LRRC4C: variants seen among roughly 807,000 people sequenced by gnomAD.
LRRC4C encodes the protein leucine rich repeat containing 4C.
In LRRC4C, 5 loss-of-function variants were observed where a neutral mutation model predicts 33.6. The ratio of observed to expected loss-of-function variants is 0.15; its 90% CI spans 0.08 to 0.31. The LOEUF is 0.31. Among genes scored for constraint, LRRC4C ranks in the 10% least tolerant of loss-of-function variants. The pLI, the probability that LRRC4C is intolerant of heterozygous loss-of-function variation, is 1.00. For missense variants in LRRC4C, 560 were observed against 796.7 expected, an observed-to-expected ratio of 0.70 and a Z score of 3.58; for synonymous variants, 329 against 302.0, an observed-to-expected ratio of 1.09 and a Z score of -0.93.
chr11:40,635,628 A>ATTTTTTTTTTTTTTTTTT (rs71060975), intron 3 of LRRC4C, among the ~76,000 whole-genome samples: 1 of 92,198 alleles, frequency 1.1e-5, no homozygotes, highest in Admixed American at 1.5e-4. Flanking sequence ...AAAGAACCAA[A>ATTTTTTTTTTTTTTTTTT]TTTTTTTTTT....
rs563196863 is a variant in LRRC4C at position 40,802,791 on chromosome 11, C to T, written c.-407+130844G>A. Among the ~76,000 whole-genome samples, 206 of 152,210 alleles carry T rather than the reference C, an allele frequency of 1.4e-3. 1 individual carries two copies. Among genetic ancestry groups the T allele is most frequent in the African/African-American group, 4.7e-3 (195 of 41,536 alleles). ...GAAGAATACATATGGGAAGAAGAAA[C>T]GATCAAAGTGATAACTTAATAAAAA... On this transcript the variant is annotated intron_variant, in intron 2 of 6. Transcript: ENST00000528697.
In LRRC4C at chr11:41,048,579, A is replaced by T. The variant is rs918776427; in HGVS notation, c.-495-114856T>A. Among the ~76,000 whole-genome samples the T allele has an allele frequency of 2.6e-5, 4 of 152,078 alleles. No homozygotes were observed. The East Asian group carries it at 5.8e-4, about 22-fold the overall frequency. On this transcript the variant is annotated intron_variant, in intron 1 of 6. Transcript: ENST00000528697. ...CGCCCAGCCCGATTCTGTATTTTTTAAAAATTTTTTCATCTTGGTCTACCC... is the reference window on the plus strand; with the variant it reads ...CGCCCAGCCCGATTCTGTATTTTTTTAAAATTTTTTCATCTTGGTCTACCC...
intron 1 of LRRC4C, among the ~76,000 whole-genome samples, chr11:41,205,261 A>T (rs1946552038): frequency 6.6e-6 from 1 of 152,216 alleles, no homozygotes; most frequent in Admixed American, 6.5e-5. Flanking sequence ...TATTTCAAAA[A>T]TGATAGAAAA....
chr11:40,331,364 T>C (rs551330203), intron 3 of LRRC4C, among the ~76,000 whole-genome samples: 10 of 152,202 alleles, frequency 6.6e-5, no homozygotes, highest in Non-Finnish European at 1.3e-4. Context: ...CCCTTGTTTC[T>C]TGCAACACTA....
At chr11:40,289,298 G>T (rs1001202941) in intron 4 of LRRC4C, among the ~76,000 whole-genome samples, 28 of 152,070 alleles carry the variant, frequency 1.8e-4, no homozygotes, top group African/African-American at 6.8e-4. Context: ...TATTATGCTT[G>T]CAGCTTTGCA....
At chr11:41,422,765 C>G (rs1590235356) in intron 1 of LRRC4C, among the ~76,000 whole-genome samples, 1 of 146,854 alleles carries the variant, frequency 6.8e-6, no homozygotes, top group South Asian at 2.3e-4. Context: ...ATACTTAAAA[C>G]AGCTTTCTCA....
At chr11:41,390,299 A>G (rs1404461148) in intron 1 of LRRC4C, among the ~76,000 whole-genome samples, 1 of 151,866 alleles carries the variant, frequency 6.6e-6, no homozygotes, top group East Asian at 1.9e-4. Context: ...AGGAGAAACA[A>G]TCAGTCTTCA....
intron 1 of LRRC4C, among the ~76,000 whole-genome samples, chr11:41,133,492 G>A (rs184739402): frequency 0.014 from 925 of 64,516 alleles, 9 homozygotes; most frequent in Non-Finnish European, 0.02. Context: ...CCCCGCCCCC[G>A]CCAACCAACA....
chr11:41,329,626 T>G (rs16935604), intron 1 of LRRC4C, among the ~76,000 whole-genome samples: 2,476 of 152,336 alleles, frequency 0.016, 70 homozygotes, highest in African/African-American at 0.056. Flanking sequence ...GATTCCTTAC[T>G]CCTTGCGATT....
At chr11:41,056,558 T>G (rs2135327677) in intron 1 of LRRC4C, among the ~76,000 whole-genome samples, 1 of 152,110 alleles carries the variant, frequency 6.6e-6, no homozygotes, top group South Asian at 2.1e-4. Context: ...GAACTTAAAT[T>G]AACAAGCAGA....
At chr11:40,625,077 CCTT>C in intron 3 of LRRC4C, among the ~76,000 whole-genome samples, 1 of 152,172 alleles carries the variant, frequency 6.6e-6, no homozygotes, top group East Asian at 1.9e-4. Context: ...AATATTATTG[CCTT>C]CTTCTGCAGA....
At chr11:40,809,208 A>G (rs956755150) in intron 2 of LRRC4C, among the ~76,000 whole-genome samples, 1 of 152,204 alleles carries the variant, frequency 6.6e-6, no homozygotes, top group Admixed American at 6.5e-5. Flanking sequence ...TTCTCTCTCC[A>G]TTTCAACCTG....
intron 1 of LRRC4C, among the ~76,000 whole-genome samples, chr11:41,163,164 C>T (rs1052858367): frequency 1.3e-5 from 2 of 152,082 alleles, no homozygotes; most frequent in African/African-American, 4.8e-5. Context: ...TCTGATGTCT[C>T]CCCAGCCTCA....
Position 40,741,433 on chromosome 11 carries a change from C to T in LRRC4C, c.-406-93155G>A, listed in dbSNP as rs144790828. On this transcript the variant is annotated intron_variant, in intron 2 of 6. Coordinates refer to ENST00000528697, the MANE Select transcript of LRRC4C (RefSeq NM_001258419.2). Reference sequence around the variant, plus strand: ...AGAAGTCCACTGGATGCCTGAACAGCGCATTTTACTTGGGACAACTACCCC... The same window carrying T: ...AGAAGTCCACTGGATGCCTGAACAGTGCATTTTACTTGGGACAACTACCCC... 9.8e-4 allele frequency among the ~76,000 whole-genome samples: 149 copies of T among 152,136 alleles called. No homozygotes were observed. In the Middle Eastern group the frequency reaches 0.01, roughly 10 times the overall value.
intron 1 of LRRC4C, among the ~76,000 whole-genome samples, chr11:41,216,460 TAA>T (rs75829426): frequency 2.8e-4 from 36 of 128,378 alleles, no homozygotes; most frequent in South Asian, 4.9e-4. Flanking sequence ...CATTCTTAAG[TAA>T]AAAAAAAAAA....
chr11:41,195,422 A>G (rs924298130), intron 1 of LRRC4C, among the ~76,000 whole-genome samples: 1 of 152,126 alleles, frequency 6.6e-6, no homozygotes, highest in Non-Finnish European at 1.5e-5. Flanking sequence ...CAAAATGTCA[A>G]TTCTCAATGG....
At chr11:40,460,917 T>C (rs1026702388) in intron 3 of LRRC4C, among the ~76,000 whole-genome samples, 8 of 152,136 alleles carry the variant, frequency 5.3e-5, no homozygotes, top group Non-Finnish European at 1.0e-4. Flanking sequence ...TTCCTTAATA[T>C]ATGAAAAGGA....
chr11:40,169,191 C>T (rs1859844019), intron 5 of LRRC4C, among the ~76,000 whole-genome samples: 1 of 152,098 alleles, frequency 6.6e-6, no homozygotes, highest in South Asian at 2.1e-4. Flanking sequence ...ATACGGTAAG[C>T]TTTAAATAGG....
At position 40,281,816 on chromosome 11, in the gene LRRC4C, A is replaced by AACTGTATT. The variant is rs1179988896; in HGVS notation, c.-176+37804_-176+37811dup. 3.9e-5 allele frequency among the ~76,000 whole-genome samples: 6 copies of AACTGTATT among 152,282 alleles called. No homozygotes were observed. The East Asian group carries it at 1.2e-3, about 29-fold the overall frequency. On this transcript the variant is annotated intron_variant, in intron 4 of 6. Coordinates refer to ENST00000528697, the MANE Select transcript of LRRC4C (RefSeq NM_001258419.2). ...TAACAGGTTATTTTAATAATTAGGG[A>AACTGTATT]ACTGTATTAGTTATCATCAGAAAAA...
Sources: allele counts gnomAD v4.1 joint callset (sites outside exome capture counted in the v4.1 genomes callset), GRCh38; gene constraint gnomAD v4.1.1; transcripts MANE v1.5; gene names NCBI Gene and HGNC (gene_info 2026-07-23, HGNC 2026-07-21).